The following NRIP3 variants were observed in gnomAD, a reference collection of about 807,000 sequenced individuals.
The protein encoded by NRIP3 is nuclear receptor-interacting protein 3.
A neutral mutation model predicts 29.0 loss-of-function variants in NRIP3; 31 were observed. The observed-to-expected ratio is 1.07, with a 90% CI of 0.80 to 1.44. The LOEUF is 1.44. Among genes scored for constraint, NRIP3 ranks in the 40% most tolerant of loss-of-function variants. NRIP3 has a pLI of 0.00. For missense variants in NRIP3, 314 were observed against 297.9 expected, an observed-to-expected ratio of 1.05 and a Z score of -0.40; for synonymous variants, 131 against 118.3, an observed-to-expected ratio of 1.11 and a Z score of -0.70.
At chr11:8,996,556 C>T (rs1411327307) in intron 1 of NRIP3, among the ~76,000 whole-genome samples, 2 of 152,120 alleles carry the variant, frequency 1.3e-5, no homozygotes, top group African/African-American at 4.8e-5. Flanking sequence ...GCTGGGATTA[C>T]AGGTGTGGGC....
chr11:8,989,844 A>G (rs1854570079), intron 1 of NRIP3, among the ~76,000 whole-genome samples: 1 of 152,218 alleles, frequency 6.6e-6, no homozygotes, highest in Non-Finnish European at 1.5e-5. Context: ...TTTCTGTTAC[A>G]TCCATGCTTA....
rs1752358876 is a variant in NRIP3, at chr11:8,981,280, T to C, written c.*2265A>G. The C allele has an allele frequency of 7.6e-6, 1 of 131,562 alleles. No homozygotes were observed. The highest frequency in any genetic ancestry group is 1.8e-5 in the Non-Finnish European group (1 of 55,636). 8.1% of individuals were successfully genotyped at this position (131,562 alleles called of 1,614,324 possible). A position where few individuals can be genotyped will look rare whatever the true frequency, so the allele number is the denominator to read the frequency against. On this transcript the variant is annotated 3_prime_UTR_variant, in exon 7 of 7. Transcript: ENST00000309166. ...GTCAGGAGATCGAGACCATCCTAGC[T>C]AACACGGTGAAACCCGTCTCTACTA...
intron 6 of NRIP3, 55 bp from the exon 7 acceptor site, chr11:8,983,615 G>C: frequency 6.4e-7 from 1 of 1,566,564 alleles, no homozygotes; most frequent in Non-Finnish European, 8.8e-7. Context: ...AAAAAGTTAA[G>C]CTGAAGGCAA....
rs185552619 is a variant in NRIP3, at chr11:8,997,627, A to G, written c.174+6135T>C. Among the ~76,000 whole-genome samples the G allele has an allele frequency of 3.0e-3, 384 of 126,348 alleles. 2 individuals are homozygous for G. The highest frequency in any genetic ancestry group is 4.1e-3 in the Non-Finnish European group (215 of 53,020). 82.9% of individuals were successfully genotyped at this position (126,348 alleles called of 152,430 possible). On this transcript the variant is annotated intron_variant, in intron 1 of 6. Transcript: ENST00000309166. ...GCCTCCATCGCCATCAAGAGCTTCT[A>G]AAGGAAATGAACACTATGGGAAGTG... is the stretch of plus-strand genomic sequence containing the variant.
chr11:8,984,168 C>A, intron 4 of NRIP3, 44 bp from the exon 5 acceptor site: 2 of 1,420,410 alleles, frequency 1.4e-6, no homozygotes, highest in African/African-American at 2.8e-5. Context: ...CATTTCCATG[C>A]TTGCTTAGAA....
intron 4 of NRIP3, 86 bp downstream of exon 4, chr11:8,985,625 C>T (rs1332749858): frequency 3.4e-6 from 5 of 1,491,934 alleles, no homozygotes; most frequent in Non-Finnish European, 3.6e-6. Context: ...TCAATATTTA[C>T]AGGCATGAGA....
rs368792267 is a variant in NRIP3, at chr11:8,984,881, C to T, written c.563-757G>A. ...TTTTCTTTCTTTTGAGACGGAGTTT[C>T]GCTCTTGTTGCCCAGGCTGGAGTGC... On this transcript the variant is annotated intron_variant, in intron 4 of 6. Transcript: ENST00000309166. 2.7e-4 allele frequency among the ~76,000 whole-genome samples: 41 copies of T among 151,474 alleles called. 1 individual carries two copies. The East Asian group carries it at 7.6e-3, about 28-fold the overall frequency.
In NRIP3 at chr11:8,983,861, ATT is replaced by A; in HGVS notation, c.710+12_710+13del. 3 of 1,609,042 alleles carry A rather than the reference ATT, an allele frequency of 1.9e-6. No homozygotes were observed. In the East Asian group the frequency reaches 6.7e-5, roughly 36 times the overall value. On this transcript the variant is annotated intron_variant, in intron 6 of 6. Coordinates refer to ENST00000309166, the MANE Select transcript of NRIP3 (RefSeq NM_020645.3). ...AAATGGATGTGACTTGATCTGACCC[ATT>A]TGGGCACTCACTTGTCTTCATTCAA...
At position 9,002,749 on chromosome 11, in the gene NRIP3, A is replaced by C. The variant is rs150216340; in HGVS notation, c.174+1013T>G. Among the ~76,000 whole-genome samples, 663 of 152,282 alleles carry C rather than the reference A, an allele frequency of 4.4e-3. 9 individuals carry two copies. Among genetic ancestry groups the C allele is most frequent in the African/African-American group, 0.015 (628 of 41,550 alleles). Reference sequence around the variant, plus strand: ...AAAAAATACTAGAAAAATTATGCAGAGCACCTATTTCATTTGTTAAAAGAC... The same window carrying C: ...AAAAAATACTAGAAAAATTATGCAGCGCACCTATTTCATTTGTTAAAAGAC... On this transcript the variant is annotated intron_variant, in intron 1 of 6. Transcript: ENST00000309166.
chr11:8,987,731 A>G, intron 2 of NRIP3, 101 bp from the exon 3 acceptor site: 1 of 895,782 alleles, frequency 1.1e-6, no homozygotes, highest in Non-Finnish European at 1.9e-6. Flanking sequence ...GCAGGGTTGG[A>G]GAGCATCCTC....
At chr11:8,992,878 C>T (rs886826325) in intron 1 of NRIP3, among the ~76,000 whole-genome samples, 9 of 151,758 alleles carry the variant, frequency 5.9e-5, no homozygotes, top group Middle Eastern at 3.4e-3. Context: ...TGCCACTGCA[C>T]TCCAGCCTGG....
At chr11:8,992,962 T>TC (rs1440746144) in intron 1 of NRIP3, among the ~76,000 whole-genome samples, 1 of 152,040 alleles carries the variant, frequency 6.6e-6, no homozygotes, top group Non-Finnish European at 1.5e-5. Context: ...AGTCAAACTA[T>TC]CAATCAAGAC....
intron 4 of NRIP3, among the ~76,000 whole-genome samples, chr11:8,985,255 C>T (rs1732803738): frequency 1.3e-5 from 2 of 150,916 alleles, no homozygotes; most frequent in Admixed American, 6.6e-5. Flanking sequence ...CTGCAAGCTC[C>T]GCCTCCCAGG....
chr11:8,988,214 A>G lies in NRIP3; in HGVS notation c.243T>C (p.Arg81=). The part of the protein sequence containing the change: ...TNLSKLRSGP[R]VPWASKTNKL... The stretch of plus-strand genomic sequence containing the variant: ...TGTTCGTCTTAGAGGCCCAAGGGAC[A>G]CGGGGACCGCTTCGGAGCTTAGACA... Residue 81 remains arginine (R), a synonymous_variant, in exon 2 of 7, where the codon CGT becomes CGC. Coordinates refer to ENST00000309166, the MANE Select transcript of NRIP3 (RefSeq NM_020645.3). 6.2e-7 allele frequency: 1 copy of G among 1,614,186 alleles called. No homozygotes were observed. The highest frequency in any genetic ancestry group is 8.5e-7 in the Non-Finnish European group (1 of 1,180,018).
At chr11:8,986,313 C>T (rs1226277895) in intron 3 of NRIP3, among the ~76,000 whole-genome samples, 2 of 152,162 alleles carry the variant, frequency 1.3e-5, no homozygotes, top group Non-Finnish European at 1.5e-5. Context: ...CTGTCTTAGA[C>T]TATAATGTTA....
At chr11:9,003,626 C>A (rs1854851032) in intron 1 of NRIP3, 136 bp downstream of exon 1, 1 of 848,456 alleles carries the variant, frequency 1.2e-6, no homozygotes, top group Non-Finnish European at 1.7e-6. Context: ...GGGGAGGAAT[C>A]CGCGACGCAG....
rs1388154108 is a variant in NRIP3, at chr11:8,983,391, G to C, written c.*154C>G. The C allele has an allele frequency of 7.7e-6, 5 of 648,512 alleles. No individual in the cohort carries two copies. Among genetic ancestry groups the C allele is most frequent in the African/African-American group, 3.7e-5 (2 of 54,396 alleles). 40.2% of individuals were successfully genotyped at this position (648,512 alleles called of 1,614,324 possible). A position where few individuals can be genotyped will look rare whatever the true frequency, so the allele number is the denominator to read the frequency against. On this transcript the variant is annotated 3_prime_UTR_variant, in exon 7 of 7. Transcript: ENST00000309166. The stretch of plus-strand genomic sequence containing the variant: ...CTCTAAGCATAGACTATAGTCTAGA[G>C]AGGTCTGAATGGGAAGGAGCCCCTG...
chr11:9,003,992 C>T lies in NRIP3; in HGVS notation c.-57G>A. ...GCCCCCCGGCAGCCTCAGCCTCGAG[C>T]TCCTCCAGCGCCGCAAGGGCCCCGA... On this transcript the variant is annotated 5_prime_UTR_variant, in exon 1 of 7. Transcript: ENST00000309166. 7.1e-7 allele frequency: 1 copy of T among 1,410,186 alleles called. No homozygotes were observed. Among genetic ancestry groups the T allele is most frequent in the Non-Finnish European group, 9.3e-7 (1 of 1,075,830 alleles). The allele number at this position is 1,410,186 out of a possible 1,614,324, so 87.4% of individuals were successfully genotyped here.
intron 1 of NRIP3, among the ~76,000 whole-genome samples, chr11:8,991,125 C>T (rs944038967): frequency 5.9e-5 from 9 of 152,100 alleles, no homozygotes; most frequent in Admixed American, 4.6e-4. Flanking sequence ...CACAGTGAAA[C>T]CCCGTCTCTA....
Sources: allele counts gnomAD v4.1 joint callset (sites outside exome capture counted in the v4.1 genomes callset), GRCh38; gene constraint gnomAD v4.1.1; transcripts MANE v1.5; gene names NCBI Gene and HGNC (gene_info 2026-07-23, HGNC 2026-07-21).